Variants in ZWILCH observed in about 807,000 individuals in gnomAD.
ZWILCH encodes protein zwilch homolog.
In ZWILCH, 74 loss-of-function variants were observed where a neutral mutation model predicts 79.9. The ratio of observed to expected loss-of-function variants is 0.93; its 90% CI spans 0.77 to 1.12. The LOEUF is 1.12. ZWILCH is among the 50% of genes most tolerant of loss of function. ZWILCH has a pLI of 0.00. For synonymous variants in ZWILCH, 241 were observed against 228.2 expected, an observed-to-expected ratio of 1.06 and a Z score of -0.51; for missense variants, 694 against 687.5, an observed-to-expected ratio of 1.01 and a Z score of -0.11.
chr15:66,511,494 CAA>C (rs368695686), intron 2 of ZWILCH, among the ~76,000 whole-genome samples: 17 of 86,258 alleles, frequency 2.0e-4, no homozygotes, highest in Admixed American at 2.4e-4. Context: ...GCCTGTCTTC[CAA>C]AAAAAAAAAA....
At position 66,527,922 on chromosome 15, in the gene ZWILCH, T is replaced by A; in HGVS notation, c.969+10T>A. The A allele has an allele frequency of 6.3e-7, 1 of 1,591,096 alleles. No individual in the cohort carries two copies. The highest frequency in any genetic ancestry group is 8.5e-7 in the Non-Finnish European group (1 of 1,170,198). On this transcript the variant is annotated intron_variant, in intron 10 of 18. Coordinates refer to ENST00000307897, the MANE Select transcript of ZWILCH (RefSeq NM_017975.5). ...AGACACTGAGGTTGAGGTAAGTGATTATTATCAGTTAGAAATATACACAGA... is the reference window on the plus strand; with the variant it reads ...AGACACTGAGGTTGAGGTAAGTGATAATTATCAGTTAGAAATATACACAGA...
At chr15:66,544,724 T>TTTTTTGTGTGTGTGTG (rs145952622) in intron 17 of ZWILCH, among the ~76,000 whole-genome samples, 52 of 128,536 alleles carry the variant, frequency 4.0e-4, no homozygotes, top group African/African-American at 9.2e-4. Flanking sequence ...TTTTTGGTTT[T>TTTTTTGTGTGTGTGTG]TGTGTGTGTG....
At chr15:66,535,645 C>T (rs1295102088) in intron 14 of ZWILCH, among the ~76,000 whole-genome samples, 3 of 149,876 alleles carry the variant, frequency 2.0e-5, no homozygotes, top group Non-Finnish European at 4.4e-5. Flanking sequence ...CACGGCACTC[C>T]AGCCTGTGTG....
intron 15 of ZWILCH, 125 bp downstream of exon 15, chr15:66,536,194 A>T (rs572474367): frequency 2.5e-6 from 2 of 814,202 alleles, no homozygotes; most frequent in African/African-American, 3.6e-5. Flanking sequence ...TTACAGTAGC[A>T]TGCATGAGTC....
chr15:66,514,921 A>T (rs550209773), intron 3 of ZWILCH, among the ~76,000 whole-genome samples: 2 of 152,186 alleles, frequency 1.3e-5, no homozygotes, highest in East Asian at 3.9e-4. Flanking sequence ...ACCTTTACCT[A>T]ATCATTTTGT....
intron 16 of ZWILCH, among the ~76,000 whole-genome samples, chr15:66,538,031 G>T (rs998221144): frequency 6.6e-6 from 1 of 152,162 alleles, no homozygotes; most frequent in African/African-American, 2.4e-5. Flanking sequence ...TATGACTGTG[G>T]GAGTGAGAGA....
chr15:66,517,726 C>CTTT lies in ZWILCH; in HGVS notation c.321-1129_321-1127dup, dbSNP rs1161719182. Among the ~76,000 whole-genome samples the CTTT allele has an allele frequency of 3.5e-3, 204 of 58,280 alleles. 44 individuals are homozygous for CTTT. The highest frequency in any genetic ancestry group is 0.013 in the African/African-American group (185 of 13,818). The allele number at this position is 58,280 out of a possible 152,430, so 38.2% of individuals were successfully genotyped here. On this transcript the variant is annotated intron_variant, in intron 4 of 18. Transcript: ENST00000307897. ...GGGTCCTACTTCTTTCTTTTCTTTCCTTTTTTTTTTTTTTTTTTTTTTTTT... is the reference window on the plus strand; with the variant it reads ...GGGTCCTACTTCTTTCTTTTCTTTCCTTTTTTTTTTTTTTTTTTTTTTTTTTTT...
chr15:66,512,071 A>T lies in ZWILCH; in HGVS notation c.106-1917A>T, dbSNP rs540491452. 9.2e-5 allele frequency among the ~76,000 whole-genome samples: 14 copies of T among 152,322 alleles called. No individual in the cohort carries two copies. The East Asian group carries it at 2.7e-3, about 29-fold the overall frequency. ...TTTGAATTGATGTCATCAATTGTTT[A>T]TAATAGCAAAAAACTGGAAACTACT... On this transcript the variant is annotated intron_variant, in intron 2 of 18. Coordinates refer to ENST00000307897, the MANE Select transcript of ZWILCH (RefSeq NM_017975.5).
At chr15:66,509,816 T>G (rs1893966372) in intron 2 of ZWILCH, among the ~76,000 whole-genome samples, 2 of 130,302 alleles carry the variant, frequency 1.5e-5, no homozygotes, top group South Asian at 2.5e-4. Context: ...TGTGTGTGTG[T>G]GGCTACATAT....
At chr15:66,516,097 A>G (rs1397107283) in intron 4 of ZWILCH, among the ~76,000 whole-genome samples, 1 of 152,196 alleles carries the variant, frequency 6.6e-6, no homozygotes, top group Non-Finnish European at 1.5e-5. Context: ...CCCAGAGGGA[A>G]TTGGAAATAT....
At chr15:66,521,007 GTGGAAGCACAGCTAAATGATC>G in intron 6 of ZWILCH, 22 bp from the exon 7 acceptor site, 1 of 1,599,152 alleles carries the variant, frequency 6.3e-7, no homozygotes, top group Non-Finnish European at 8.5e-7. Flanking sequence ...TCTTGGCCAT[GTGGAAGCACAGCTAAATGATC>G]TGCTGGGTAC....
chr15:66,522,403 G>C (rs1470210650), intron 7 of ZWILCH, among the ~76,000 whole-genome samples: 1 of 144,086 alleles, frequency 6.9e-6, no homozygotes, highest in Non-Finnish European at 1.5e-5. Context: ...GCGTCATCTC[G>C]GCTTACTGCA....
At chr15:66,531,575 C>T (rs1234074541) in intron 12 of ZWILCH, among the ~76,000 whole-genome samples, 1 of 152,088 alleles carries the variant, frequency 6.6e-6, no homozygotes, top group Non-Finnish European at 1.5e-5. Flanking sequence ...GTTCTCTTTC[C>T]TCAGCCTCCC....
intron 1 of ZWILCH, among the ~76,000 whole-genome samples, chr15:66,508,276 A>T (rs116619378): frequency 0.013 from 1,972 of 152,346 alleles, 35 homozygotes; most frequent in African/African-American, 0.045. Context: ...TAATAATTAA[A>T]TGATATCCTG....
intron 14 of ZWILCH, among the ~76,000 whole-genome samples, chr15:66,534,705 G>A (rs1029849666): frequency 1.3e-5 from 2 of 152,154 alleles, no homozygotes; most frequent in African/African-American, 4.8e-5. Flanking sequence ...TACCTGTACA[G>A]GGCACTTACC....
chr15:66,509,840 T>TTTGATGAATGAGAAGCTGTA (rs1555423518), intron 2 of ZWILCH, among the ~76,000 whole-genome samples: 1 of 75,652 alleles, frequency 1.3e-5, no homozygotes, highest in Non-Finnish European at 2.6e-5. Context: ...TATATATATA[T>TTTGATGAATGAGAAGCTGTA]ATATATATAT....
chr15:66,520,799 C>A, intron 6 of ZWILCH, 139 bp downstream of exon 6: 3 of 708,526 alleles, frequency 4.2e-6, no homozygotes, highest in Non-Finnish European at 7.1e-6. Flanking sequence ...ATTTTCATAT[C>A]AGCTAATGAC....
Position 66,546,696 on chromosome 15 carries a change from C to G in ZWILCH, c.*17C>G. On this transcript the variant is annotated 3_prime_UTR_variant, in exon 18 of 19. Transcript: ENST00000307897. ...TTCAAGTGAAGTGTGCTGATGAAGT[C>G]CTCTATAAGGTATTTATGTTCACAT... is the stretch of plus-strand genomic sequence containing the variant. The G allele has an allele frequency of 6.4e-7, 1 of 1,569,998 alleles. No homozygotes were observed. The highest frequency in any genetic ancestry group is 8.7e-7 in the Non-Finnish European group (1 of 1,150,032).
chr15:66,539,401 C>CAAAAAA (rs536047404), intron 16 of ZWILCH, among the ~76,000 whole-genome samples: 4 of 58,050 alleles, frequency 6.9e-5, no homozygotes, highest in Non-Finnish European at 7.1e-5. Context: ...AAGACCCTGT[C>CAAAAAA]AAAAAAAAAA....
Sources: allele counts gnomAD v4.1 joint callset (sites outside exome capture counted in the v4.1 genomes callset), GRCh38; gene constraint gnomAD v4.1.1; transcripts MANE v1.5; gene names NCBI Gene and HGNC (gene_info 2026-07-23, HGNC 2026-07-21).